The following RAPGEF4 variants were observed in gnomAD, a reference collection of about 807,000 sequenced individuals.
The protein encoded by RAPGEF4 is RAP guanine-nucleotide-exchange factor (GEF) 4.
A neutral mutation model predicts 147.9 loss-of-function variants in RAPGEF4; 66 were observed. That is an observed-to-expected ratio of 0.45 (90% confidence interval 0.37 to 0.55). RAPGEF4 has a LOEUF of 0.55. Among genes scored for constraint, RAPGEF4 ranks in the 20% least tolerant of loss-of-function variants. The pLI is 0.00. For missense variants in RAPGEF4, 1,071 were observed against 1,257.3 expected, an observed-to-expected ratio of 0.85 and a Z score of 2.24; for synonymous variants, 419 against 442.7, an observed-to-expected ratio of 0.95 and a Z score of 0.67.
intron 16 of RAPGEF4, among the ~76,000 whole-genome samples, chr2:172,997,554 CACCAG>C (rs1693492131): frequency 6.6e-6 from 1 of 152,172 alleles, no homozygotes; most frequent in Non-Finnish European, 1.5e-5. Flanking sequence ...AAACAAATCT[CACCAG>C]TGAACTAAGT....
intron 4 of RAPGEF4, among the ~76,000 whole-genome samples, chr2:172,888,249 CT>C (rs2149889633): frequency 6.6e-6 from 1 of 152,302 alleles, no homozygotes; most frequent in South Asian, 2.1e-4. Context: ...TTTTGTTCTA[CT>C]TTTTCCCTGT....
intron 1 of RAPGEF4, among the ~76,000 whole-genome samples, chr2:172,761,140 T>A (rs1450932224): frequency 2.0e-5 from 3 of 150,712 alleles, no homozygotes; most frequent in African/African-American, 7.3e-5. Context: ...TTTTTTTTTG[T>A]TTTAGACGGA....
rs141113243 is a variant in RAPGEF4, at chr2:173,019,966, T to C, written c.2156-652T>C. Among the ~76,000 whole-genome samples, 15 of 152,374 alleles carry C rather than the reference T, an allele frequency of 9.8e-5. No individual in the cohort carries two copies. The East Asian group carries it at 2.7e-3, about 27-fold the overall frequency. On this transcript the variant is annotated intron_variant, in intron 22 of 30. Coordinates refer to ENST00000397081, the MANE Select transcript of RAPGEF4 (RefSeq NM_007023.4). ...TTATTGTTGGCATCTCCCACTATGA[T>C]GTAATGCTTTTTGGAGTGGGATTTT...
intron 25 of RAPGEF4, among the ~76,000 whole-genome samples, chr2:173,029,668 A>G (rs537444889): frequency 3.9e-5 from 6 of 152,188 alleles, no homozygotes; most frequent in African/African-American, 4.8e-5. Context: ...ATCACACCTT[A>G]TAAGTTGATA....
chr2:172,808,629 A>G (rs1345919706), intron 3 of RAPGEF4, among the ~76,000 whole-genome samples: 1 of 152,212 alleles, frequency 6.6e-6, no homozygotes. Flanking sequence ...TGTGCCAGAA[A>G]CTATACAGCA....
chr2:172,865,084 C>G (rs986523065), intron 4 of RAPGEF4, among the ~76,000 whole-genome samples: 6 of 152,194 alleles, frequency 3.9e-5, no homozygotes, highest in Admixed American at 3.9e-4. Context: ...TGCCTCCAGC[C>G]AGGCTGCTGA....
intron 4 of RAPGEF4, among the ~76,000 whole-genome samples, chr2:172,839,819 T>C (rs1282534536): frequency 6.6e-6 from 1 of 152,142 alleles, no homozygotes; most frequent in Admixed American, 6.5e-5. Context: ...TATTTAGTAG[T>C]GGCACATCAT....
chr2:172,891,504 A>G (rs1275841379), intron 4 of RAPGEF4, among the ~76,000 whole-genome samples: 1 of 152,124 alleles, frequency 6.6e-6, no homozygotes, highest in African/African-American at 2.4e-5. Context: ...TTTATCTCAA[A>G]ATTCTGGGCT....
At chr2:172,777,350 A>G (rs915652311) in intron 1 of RAPGEF4, among the ~76,000 whole-genome samples, 5 of 151,972 alleles carry the variant, frequency 3.3e-5, no homozygotes, top group African/African-American at 7.3e-5. Flanking sequence ...GGTACTGGAG[A>G]TACAATAGTT....
intron 6 of RAPGEF4, among the ~76,000 whole-genome samples, chr2:172,948,475 T>TA (rs1687900723): frequency 6.6e-6 from 1 of 152,186 alleles, no homozygotes; most frequent in East Asian, 1.9e-4. Context: ...TGTGTCTATC[T>TA]AGGGAAAAAT....
At chr2:172,929,591 GTTTTCTTTTCTATTTCCCTTCA>G (rs1446691777) in intron 6 of RAPGEF4, among the ~76,000 whole-genome samples, 1 of 152,066 alleles carries the variant, frequency 6.6e-6, no homozygotes, top group Non-Finnish European at 1.5e-5. Flanking sequence ...GTTTAATTTA[GTTTTCTTTTCTATTTCCCTTCA>G]GCCAAAGAAT....
intron 4 of RAPGEF4, among the ~76,000 whole-genome samples, chr2:172,841,791 A>AACACACACACACAC (rs3064818): frequency 6.8e-6 from 1 of 147,006 alleles, no homozygotes; most frequent in Non-Finnish European, 1.5e-5. Flanking sequence ...TTGGCTGAAT[A>AACACACACACACAC]ACACACACAC....
rs138077587 is a variant in RAPGEF4 at position 172,750,610 on chromosome 2, A to C, written c.65+14562A>C. ...CATATCACATTCCCACCAACAGTGC[A>C]CAGAGGTTCCCTTTTCTCCATGTCC... On this transcript the variant is annotated intron_variant, in intron 1 of 30. Coordinates refer to ENST00000397081, the MANE Select transcript of RAPGEF4 (RefSeq NM_007023.4). 5.9e-5 allele frequency among the ~76,000 whole-genome samples: 9 copies of C among 152,296 alleles called. No homozygotes were observed. In the East Asian group the frequency reaches 1.7e-3, roughly 30 times the overall value.
chr2:172,933,777 G>T (rs1161964518), intron 6 of RAPGEF4, among the ~76,000 whole-genome samples: 1 of 152,102 alleles, frequency 6.6e-6, no homozygotes, highest in Non-Finnish European at 1.5e-5. Context: ...ATTAATAAAA[G>T]GTTGATTTAT....
At chr2:172,863,986 A>G (rs1335226845) in intron 4 of RAPGEF4, among the ~76,000 whole-genome samples, 1 of 152,222 alleles carries the variant, frequency 6.6e-6, no homozygotes, top group African/African-American at 2.4e-5. Flanking sequence ...CAGGATAGAA[A>G]ATATTTTGAA....
intron 10 of RAPGEF4, among the ~76,000 whole-genome samples, chr2:172,982,041 C>T (rs1214013230): frequency 6.6e-6 from 1 of 152,168 alleles, no homozygotes; most frequent in African/African-American, 2.4e-5. Context: ...TCACATCTCT[C>T]TCAGAAAGAT....
Position 173,026,423 on chromosome 2 carries a change from G to A in RAPGEF4, c.2254-149G>A, listed in dbSNP as rs542605374. 2.9e-5 allele frequency: 22 copies of A among 769,912 alleles called. 1 individual carries two copies. The highest frequency in any genetic ancestry group is 8.9e-5 in the African/African-American group (5 of 56,020). The allele number at this position is 769,912 out of a possible 1,614,324, so 47.7% of individuals were successfully genotyped here. On this transcript the variant is annotated intron_variant, in intron 23 of 30. Transcript: ENST00000397081. The stretch of plus-strand genomic sequence containing the variant: ...ACGACACTAAAGCAACTAGCGTTGC[G>A]AGCAGAGGCATCTCTCCTCAGAGTT...
chr2:172,744,554 G>A, intron 1 of RAPGEF4: 1 of 342,862 alleles, frequency 2.9e-6, no homozygotes, highest in Non-Finnish European at 5.9e-6. Context: ...GTAATTTTGG[G>A]CAAGTTATTT....
chr2:172,929,355 A>G (rs1449049005), intron 6 of RAPGEF4, among the ~76,000 whole-genome samples: 1 of 152,204 alleles, frequency 6.6e-6, no homozygotes, highest in Non-Finnish European at 1.5e-5. Flanking sequence ...CCTTTAGATG[A>G]CATTACATTG....
Sources: allele counts gnomAD v4.1 joint callset (sites outside exome capture counted in the v4.1 genomes callset), GRCh38; gene constraint gnomAD v4.1.1; transcripts MANE v1.5; gene names NCBI Gene and HGNC (gene_info 2026-07-23, HGNC 2026-07-21).